The following SCAPER variants were observed in gnomAD, a reference collection of about 807,000 sequenced individuals.
The protein encoded by SCAPER is S-phase cyclin A associated protein in the ER.
A neutral mutation model predicts 182.2 loss-of-function variants in SCAPER; 98 were observed. That is an observed-to-expected ratio of 0.54 (90% CI 0.46 to 0.64). SCAPER has a LOEUF of 0.64. SCAPER is among the 30% of genes least tolerant of loss of function. The pLI, the probability that SCAPER is intolerant of heterozygous loss-of-function variation, is 0.00. For missense variants in SCAPER, 1,432 were observed against 1,690.0 expected, an observed-to-expected ratio of 0.85 and a Z score of 2.68; for synonymous variants, 605 against 564.6, an observed-to-expected ratio of 1.07 and a Z score of -1.01.
chr15:76,678,702 G>C lies in SCAPER; in HGVS notation c.2509-12913C>G, dbSNP rs371300225. ...GAAGGAAAATTGGGAGAACAAGACA[G>C]AGAAACAGATAAAAGAGGGAAAAAT... is the stretch of plus-strand genomic sequence containing the variant. On this transcript the variant is annotated intron_variant, in intron 20 of 31. Transcript: ENST00000563290. 1.5e-3 allele frequency among the ~76,000 whole-genome samples: 156 copies of C among 107,108 alleles called. No homozygotes were observed. The South Asian group carries it at 0.015, about 10-fold the overall frequency. The allele number at this position is 107,108 out of a possible 152,430, so 70.3% of individuals were successfully genotyped here.
At chr15:76,557,946 A>C (rs1419144234) in intron 23 of SCAPER, among the ~76,000 whole-genome samples, 1 of 152,208 alleles carries the variant, frequency 6.6e-6, no homozygotes, top group East Asian at 1.9e-4. Context: ...GGCTAGCCAT[A>C]TGCAGAAGAT....
intron 2 of SCAPER, among the ~76,000 whole-genome samples, chr15:76,873,934 C>T (rs2072967011): frequency 1.3e-5 from 2 of 151,318 alleles, no homozygotes; most frequent in South Asian, 4.2e-4. Context: ...CGTTCTGTTG[C>T]CCAGGCTGGA....
intron 15 of SCAPER, among the ~76,000 whole-genome samples, chr15:76,747,020 T>C (rs1294176278): frequency 2.0e-5 from 3 of 152,166 alleles, no homozygotes; most frequent in Non-Finnish European, 4.4e-5. Context: ...TCAATTCACA[T>C]GGAATGGCAA....
chr15:76,753,247 T>C (rs181714397), intron 15 of SCAPER, among the ~76,000 whole-genome samples: 236 of 151,932 alleles, frequency 1.6e-3, no homozygotes, highest in Non-Finnish European at 2.8e-3. Flanking sequence ...GGTTAACAAA[T>C]TATGGTATTT....
At chr15:76,416,500 A>C (rs1270574914) in intron 26 of SCAPER, among the ~76,000 whole-genome samples, 3 of 151,950 alleles carry the variant, frequency 2.0e-5, no homozygotes, top group Admixed American at 2.0e-4. Flanking sequence ...AGAAAAAAAA[A>C]AAAGTTAAAT....
intron 23 of SCAPER, among the ~76,000 whole-genome samples, chr15:76,518,437 A>C (rs1331807685): frequency 6.6e-6 from 1 of 152,232 alleles, no homozygotes; most frequent in Non-Finnish European, 1.5e-5. Context: ...AGGCACAAGG[A>C]AAGTCAAGCA....
At chr15:76,716,320 C>T (rs1449548112) in intron 17 of SCAPER, among the ~76,000 whole-genome samples, 1 of 152,120 alleles carries the variant, frequency 6.6e-6, no homozygotes, top group East Asian at 1.9e-4. Context: ...GAAAGTCATC[C>T]CCTTCCCACT....
At chr15:76,578,467 T>C (rs1345171384) in intron 22 of SCAPER, among the ~76,000 whole-genome samples, 1 of 152,196 alleles carries the variant, frequency 6.6e-6, no homozygotes. Flanking sequence ...CAGGGGTGCT[T>C]GTGTCAACCC....
chr15:76,352,024 T>C (rs1240673547), intron 30 of SCAPER, among the ~76,000 whole-genome samples: 1 of 152,226 alleles, frequency 6.6e-6, no homozygotes, highest in African/African-American at 2.4e-5. Flanking sequence ...ATATAATCTT[T>C]AGATCCTGAT....
intron 26 of SCAPER, among the ~76,000 whole-genome samples, chr15:76,432,856 T>C (rs1015237010): frequency 2.0e-5 from 3 of 152,236 alleles, no homozygotes; most frequent in African/African-American, 7.2e-5. Context: ...GTTTATTACA[T>C]AACCTTGGGC....
At chr15:76,593,463 G>A (rs2049277634) in intron 22 of SCAPER, among the ~76,000 whole-genome samples, 1 of 121,026 alleles carries the variant, frequency 8.3e-6, no homozygotes, top group Non-Finnish European at 2.0e-5. Context: ...CACAGTGCTC[G>A]AGCTCAAATA....
intron 23 of SCAPER, among the ~76,000 whole-genome samples, chr15:76,511,324 C>A (rs2042010964): frequency 6.6e-6 from 1 of 152,088 alleles, no homozygotes; most frequent in South Asian, 2.1e-4. Flanking sequence ...TGTCAACTTG[C>A]AAAATTTACT....
At chr15:76,380,053 C>T (rs563288581) in intron 28 of SCAPER, 1 of 152,320 alleles carries the variant, frequency 6.6e-6, no homozygotes, top group East Asian at 1.9e-4. Context: ...AAATCACTCC[C>T]TTTCGACGCA....
Position 76,818,097 on chromosome 15 carries a change from C to A in SCAPER, c.394-13464G>T, listed in dbSNP as rs532645337. Among the ~76,000 whole-genome samples the A allele has an allele frequency of 2.0e-5, 3 of 152,210 alleles. No individual in the cohort carries two copies. In the South Asian group the frequency reaches 6.2e-4, roughly 32 times the overall value. On this transcript the variant is annotated intron_variant, in intron 5 of 31. Coordinates refer to ENST00000563290, the MANE Select transcript of SCAPER (RefSeq NM_020843.4). ...GACAGGGTGGTACTAGGATAAAAGA[C>A]CAACAGGTCAATGGAACAGAACAAA...
intron 22 of SCAPER, among the ~76,000 whole-genome samples, chr15:76,616,861 A>G (rs1407330894): frequency 6.6e-6 from 1 of 152,174 alleles, no homozygotes; most frequent in African/African-American, 2.4e-5. Context: ...CAAGTTTTCA[A>G]TCATCATAAG....
intron 15 of SCAPER, among the ~76,000 whole-genome samples, chr15:76,749,435 GA>G (rs1391816013): frequency 6.6e-6 from 1 of 152,022 alleles, no homozygotes; most frequent in East Asian, 1.9e-4. Flanking sequence ...CTGGGAACAA[GA>G]AAAGATGTCA....
At chr15:76,367,912 T>C (rs2041913456) in intron 29 of SCAPER, among the ~76,000 whole-genome samples, 1 of 152,144 alleles carries the variant, frequency 6.6e-6, no homozygotes, top group African/African-American at 2.4e-5. Context: ...GCTCTACTTT[T>C]GGAAAAAAAA....
rs192289611 is a variant in SCAPER at position 76,728,442 on chromosome 15, G to A, written c.2165+153C>T. ...CAAGCTACTCAGGAGGGTGAGGTGGGAGGATCACTTGAGTCAGAGAGTTCA... is the reference window on the plus strand; with the variant it reads ...CAAGCTACTCAGGAGGGTGAGGTGGAAGGATCACTTGAGTCAGAGAGTTCA... On this transcript the variant is annotated intron_variant, in intron 17 of 31. Transcript: ENST00000563290. 7.9e-5 allele frequency among the ~76,000 whole-genome samples: 12 copies of A among 152,204 alleles called. No homozygotes were observed. In the East Asian group the frequency reaches 2.3e-3, roughly 29 times the overall value.
intron 5 of SCAPER, among the ~76,000 whole-genome samples, chr15:76,827,249 G>A (rs1450795817): frequency 6.6e-6 from 1 of 152,116 alleles, no homozygotes; most frequent in Non-Finnish European, 1.5e-5. Flanking sequence ...CAGGGCTGAG[G>A]TTATTTCATC....
Sources: allele counts gnomAD v4.1 joint callset (sites outside exome capture counted in the v4.1 genomes callset), GRCh38; gene constraint gnomAD v4.1.1; transcripts MANE v1.5; gene names NCBI Gene and HGNC (gene_info 2026-07-23, HGNC 2026-07-21).